The following PRKD2 variants were observed in gnomAD, a reference collection of about 807,000 sequenced individuals.
PRKD2 encodes protein kinase D2, also known as serine/threonine-protein kinase D2.
A neutral mutation model predicts 86.0 loss-of-function variants in PRKD2; 22 were observed. The ratio of observed to expected loss-of-function variants is 0.26; its 90% confidence interval spans 0.18 to 0.37. The LOEUF is 0.37. PRKD2 is among the 10% of genes least tolerant of loss of function. PRKD2 has a pLI of 1.00. For missense variants in PRKD2, 818 were observed against 1,199.2 expected, an observed-to-expected ratio of 0.68 and a Z score of 4.70; for synonymous variants, 509 against 510.9, an observed-to-expected ratio of 1.00 and a Z score of 0.05.
chr19:46,695,320 A>G (rs1174633976), intron 9 of PRKD2, among the ~76,000 whole-genome samples: 1 of 152,204 alleles, frequency 6.6e-6, no homozygotes, highest in Non-Finnish European at 1.5e-5. Flanking sequence ...GCCCATCTCT[A>G]CTAAAAATAC....
chr19:46,681,098 C>T (rs1016953798), intron 15 of PRKD2, among the ~76,000 whole-genome samples: 9 of 150,248 alleles, frequency 6.0e-5, no homozygotes, highest in African/African-American at 1.9e-4. Flanking sequence ...GGACTACAGG[C>T]GCACACCACC....
chr19:46,679,316 C>G (rs1439011532), intron 15 of PRKD2, among the ~76,000 whole-genome samples: 1 of 152,050 alleles, frequency 6.6e-6, no homozygotes, highest in Non-Finnish European at 1.5e-5. Flanking sequence ...GGTGACACAG[C>G]GAGACTCCGT....
intron 15 of PRKD2, among the ~76,000 whole-genome samples, chr19:46,680,937 TATATA>T (rs1490890055): frequency 5.9e-5 from 3 of 51,252 alleles, no homozygotes; most frequent in East Asian, 9.6e-4. Flanking sequence ...TATATATATA[TATATA>T]TATATTTTTT....
At chr19:46,690,106 T>C (rs2053462225) in intron 13 of PRKD2, among the ~76,000 whole-genome samples, 1 of 152,088 alleles carries the variant, frequency 6.6e-6, no homozygotes, top group South Asian at 2.1e-4. Context: ...GAGGGGGAGC[T>C]TGGAGAAATG....
chr19:46,683,013 T>G (rs559054863), intron 14 of PRKD2, among the ~76,000 whole-genome samples: 4 of 151,802 alleles, frequency 2.6e-5, no homozygotes, highest in South Asian at 4.2e-4. Context: ...ATTTTTTTTT[T>G]GAAGAGATGG....
Position 46,714,098 on chromosome 19 carries a change from C to T in PRKD2, c.241-97G>A, listed in dbSNP as rs1053774068. The T allele has an allele frequency of 2.0e-6, 3 of 1,478,318 alleles. No individual in the cohort carries two copies. In the Admixed American group the frequency reaches 6.5e-5, roughly 32 times the overall value. The allele number at this position is 1,478,318 out of a possible 1,614,324, so 91.6% of individuals were successfully genotyped here. A position where few individuals can be genotyped will look rare whatever the true frequency, so the allele number is the denominator to read the frequency against. ...CTCCCAGGGCAGGGCCGGCTGTTTC[C>T]CCCGGAAACGCAGAGACCCCGCAGG... On this transcript the variant is annotated intron_variant, in intron 1 of 17. Transcript: ENST00000291281.
chr19:46,680,946 ATTTT>A (rs1222612655), intron 15 of PRKD2, among the ~76,000 whole-genome samples: 1,497 of 48,226 alleles, frequency 0.031, 36 homozygotes, highest in Admixed American at 0.05. Context: ...ATATATATAT[ATTTT>A]TTTTTTTTTT....
intron 14 of PRKD2, among the ~76,000 whole-genome samples, chr19:46,686,987 G>C (rs1366618069): frequency 6.6e-6 from 1 of 151,650 alleles, no homozygotes; most frequent in Non-Finnish European, 1.5e-5. Flanking sequence ...AAAACCCTAT[G>C]GTAAATAAAA....
intron 3 of PRKD2, among the ~76,000 whole-genome samples, chr19:46,706,892 CTT>C (rs574385292): frequency 3.7e-4 from 49 of 134,132 alleles, no homozygotes; most frequent in South Asian, 9.8e-4. Flanking sequence ...AACTGGATTT[CTT>C]TTTTTTTTTT....
At chr19:46,712,625 T>C (rs1346875032) in intron 2 of PRKD2, among the ~76,000 whole-genome samples, 2 of 152,214 alleles carry the variant, frequency 1.3e-5, no homozygotes, top group Non-Finnish European at 2.9e-5. Flanking sequence ...AAAATTCAAG[T>C]GAGGCCAGCT....
rs9653113 is a variant in PRKD2 at position 46,693,228 on chromosome 19, G to C, written c.1576+647C>G. Among the ~76,000 whole-genome samples the C allele has an allele frequency of 1.1e-3, 165 of 152,264 alleles. No individual in the cohort carries two copies. The highest frequency in any genetic ancestry group is 3.7e-3 in the African/African-American group (154 of 41,556). On this transcript the variant is annotated intron_variant, in intron 10 of 17. Transcript: ENST00000291281. This position sits in a 1 kb window ranked among gnomAD's most constrained non-coding sequence, Gnocchi z 4.5. ...CTGGACTGTCACTCTCTGAAGATGG[G>C]TATTCTGCCCTACTGGACTCTGAGC...
Position 46,716,078 on chromosome 19 carries a change from GC to G in PRKD2, c.240+52del. 1 of 1,591,852 alleles carries G rather than the reference GC, an allele frequency of 6.3e-7. No individual in the cohort carries two copies. On this transcript the variant is annotated intron_variant, in intron 1 of 17. Coordinates refer to ENST00000291281, the MANE Select transcript of PRKD2 (RefSeq NM_016457.5). The surrounding 1 kb of genome is among the most constrained non-coding windows in gnomAD (Gnocchi z 7.9). The stretch of plus-strand genomic sequence containing the variant: ...CCAGGCCCCAGACCCCTCTGCCAGC[GC>G]CCCCTCCTTCAACCTCTCCCCGAGC...
chr19:46,686,614 T>C (rs1042376057), intron 14 of PRKD2, among the ~76,000 whole-genome samples: 4 of 151,642 alleles, frequency 2.6e-5, no homozygotes, highest in Non-Finnish European at 1.5e-5. Flanking sequence ...ATTACACCAC[T>C]GCACTCCAGC....
At chr19:46,683,326 C>A (rs554955706) in intron 14 of PRKD2, among the ~76,000 whole-genome samples, 2 of 152,124 alleles carry the variant, frequency 1.3e-5, no homozygotes, top group South Asian at 4.1e-4. Context: ...AACTCCTGAC[C>A]TCGTGATCCA....
intron 13 of PRKD2, 152 bp from the exon 14 acceptor site, chr19:46,689,850 G>T: frequency 1.2e-6 from 1 of 816,746 alleles, no homozygotes; most frequent in Non-Finnish European, 1.9e-6. Context: ...CACAGGCCAA[G>T]ACAGAACAGG....
chr19:46,696,482 G>A (rs2053559348), intron 9 of PRKD2, among the ~76,000 whole-genome samples: 1 of 152,012 alleles, frequency 6.6e-6, no homozygotes, highest in Non-Finnish European at 1.5e-5. Flanking sequence ...TAGTGAGGCC[G>A]GGTGCGGTGG....
chr19:46,714,430 G>A (rs2053853716), intron 1 of PRKD2: 15 of 461,216 alleles, frequency 3.3e-5, no homozygotes, highest in Non-Finnish European at 4.3e-5. Flanking sequence ...GCCCAGCACT[G>A]GGGTGGGGCG....
chr19:46,696,291 C>T (rs970326023), intron 9 of PRKD2, among the ~76,000 whole-genome samples: 2 of 151,932 alleles, frequency 1.3e-5, no homozygotes, highest in African/African-American at 4.8e-5. Flanking sequence ...GGGGGTTTGA[C>T]GGTTTTAATG....
chr19:46,677,432 AAATG>A lies in PRKD2; in HGVS notation c.2338+960_2338+963del, dbSNP rs201653362. 1,060 of 152,212 alleles carry A rather than the reference AAATG, an allele frequency of 7.0e-3. 6 individuals are homozygous for A. Among genetic ancestry groups the A allele is most frequent in the African/African-American group, 0.024 (999 of 41,438 alleles). The allele number at this position is 152,212 out of a possible 1,614,324, so 9.4% of individuals were successfully genotyped here. The stretch of plus-strand genomic sequence containing the variant: ...ACTTGTTGAATAAATGGTTATAAAT[AAATG>A]AATGAATGATCCCCCCCCTTCCCAT... On this transcript the variant is annotated intron_variant, in intron 16 of 17. Transcript: ENST00000291281.
Sources: allele counts gnomAD v4.1 joint callset (sites outside exome capture counted in the v4.1 genomes callset), GRCh38; gene constraint gnomAD v4.1.1; non-coding constraint Gnocchi (gnomAD v3.1); transcripts MANE v1.5; gene names NCBI Gene and HGNC (gene_info 2026-07-23, HGNC 2026-07-21).